Variants in NAV2 observed in about 807,000 individuals in gnomAD.
NAV2 encodes the protein neuron navigator 2, also known as helicase, APC down-regulated 1.
In NAV2, 54 loss-of-function variants were observed where a neutral mutation model predicts 223.2. The observed-to-expected ratio is 0.24, with a 90% CI of 0.19 to 0.30. The LOEUF is 0.30. NAV2 is among the 10% of genes least tolerant of loss of function. The pLI is 1.00. For missense variants in NAV2, 2,806 were observed against 3,147.5 expected (o/e 0.89, Z 2.60); for synonymous variants, 1,279 against 1,239.3 (o/e 1.03, Z -0.67).
intron 4 of NAV2, among the ~76,000 whole-genome samples, chr11:19,878,914 C>A (rs1400023042): frequency 6.6e-6 from 1 of 152,202 alleles, no homozygotes; most frequent in Non-Finnish European, 1.5e-5. Context: ...TTTCTTGCTT[C>A]ACGTCTGCCT....
intron 1 of NAV2, among the ~76,000 whole-genome samples, chr11:19,444,240 C>T (rs775765107): frequency 1.4e-4 from 21 of 152,148 alleles, no homozygotes; most frequent in Non-Finnish European, 2.9e-4. Context: ...TGTGCCTGGC[C>T]CTTATTATTA....
chr11:19,933,381 T>C lies in NAV2; in HGVS notation c.1137T>C (p.Pro379=), dbSNP rs2045565028. Residue 379 remains proline (P), a synonymous_variant, in exon 7 of 38, where the codon CCT becomes CCC. Coordinates refer to ENST00000349880, the MANE Select transcript of NAV2 (RefSeq NM_145117.5). The surrounding 1 kb of genome is among the most constrained non-coding windows in gnomAD (Gnocchi z 4.3). ...ATVSMLSVKP[P]GPEAPRPTPE... is the part of the protein sequence containing the mutation. ...TATCCATGCTCTCGGTCAAGCCTCC[T>C]GGGCCTGAGGCCCCCAGGCCCACAC... is the stretch of plus-strand genomic sequence containing the variant. 1 of 1,587,620 alleles carries C rather than the reference T, an allele frequency of 6.3e-7. No individual in the cohort carries two copies.
At chr11:19,517,404 A>G (rs897611343) in intron 1 of NAV2, among the ~76,000 whole-genome samples, 1 of 152,206 alleles carries the variant, frequency 6.6e-6, no homozygotes, top group Admixed American at 6.5e-5. Context: ...CTTTTAAATG[A>G]GAATAATGAC....
At chr11:19,784,678 T>A (rs936752858) in intron 1 of NAV2, among the ~76,000 whole-genome samples, 15 of 152,120 alleles carry the variant, frequency 9.9e-5, no homozygotes, top group Non-Finnish European at 2.1e-4. Flanking sequence ...GTATAAGAGA[T>A]AGTATGGTGT....
rs374681121 is a variant in NAV2, at chr11:20,060,231, C to CTAG, written c.4832-2074_4832-2072dup. Among the ~76,000 whole-genome samples the CTAG allele has an allele frequency of 5.4e-3, 830 of 152,378 alleles. 7 individuals are homozygous for CTAG. Among genetic ancestry groups the CTAG allele is most frequent in the African/African-American group, 0.013 (554 of 41,590 alleles). On this transcript the variant is annotated intron_variant, in intron 19 of 37. Coordinates refer to ENST00000349880, the MANE Select transcript of NAV2 (RefSeq NM_145117.5). ...CCACAGGCCATATAGCAGCCCTGTG[C>CTAG]TAGTCTCTGGCAGGCCAGTCATGCA...
intron 1 of NAV2, among the ~76,000 whole-genome samples, chr11:19,508,042 G>T (rs1404040242): frequency 6.6e-6 from 1 of 152,238 alleles, no homozygotes; most frequent in Non-Finnish European, 1.5e-5. Context: ...GGCTCTGAAA[G>T]GTTGGTCCTT....
chr11:19,535,744 G>A (rs2044168073), intron 1 of NAV2, among the ~76,000 whole-genome samples: 1 of 152,166 alleles, frequency 6.6e-6, no homozygotes, highest in South Asian at 2.1e-4. Flanking sequence ...AATCAAGCCT[G>A]ATTCAGGGGT....
intron 1 of NAV2, among the ~76,000 whole-genome samples, chr11:19,393,264 C>A (rs916737163): frequency 5.3e-5 from 8 of 152,228 alleles, no homozygotes; most frequent in South Asian, 2.1e-4. Flanking sequence ...CAGTTTCATT[C>A]TTCTCATGCT....
intron 10 of NAV2, among the ~76,000 whole-genome samples, chr11:19,958,805 G>GGATGTAA: frequency 2.0e-5 from 3 of 152,230 alleles, no homozygotes; most frequent in African/African-American, 7.2e-5. Flanking sequence ...AGGACATACA[G>GGATGTAA]GCATTGTCAT....
chr11:19,527,937 G>GACAC (rs67561376), intron 1 of NAV2, among the ~76,000 whole-genome samples: 1,871 of 143,308 alleles, frequency 0.013, 30 homozygotes, highest in Middle Eastern at 0.057. Flanking sequence ...TCCCTGCCCT[G>GACAC]ACACACACAC....
chr11:19,443,262 C>A (rs533902565), intron 1 of NAV2, among the ~76,000 whole-genome samples: 1 of 152,170 alleles, frequency 6.6e-6, no homozygotes, highest in Non-Finnish European at 1.5e-5. Flanking sequence ...TCCTCCACTG[C>A]GACACTTGGA....
chr11:19,402,311 G>A (rs997845743), intron 1 of NAV2, among the ~76,000 whole-genome samples: 2 of 152,170 alleles, frequency 1.3e-5, no homozygotes, highest in Admixed American at 6.5e-5. Context: ...TTCCTCATGT[G>A]TAAAATAAGG....
At chr11:19,736,595 C>T (rs1414718097) in intron 1 of NAV2, among the ~76,000 whole-genome samples, 1 of 152,218 alleles carries the variant, frequency 6.6e-6, no homozygotes, top group Admixed American at 6.5e-5. Context: ...AAAACTGCCA[C>T]AATGCTCCTG....
intron 1 of NAV2, among the ~76,000 whole-genome samples, chr11:19,622,086 T>C (rs2047015669): frequency 6.6e-6 from 1 of 152,244 alleles, no homozygotes; most frequent in Admixed American, 6.5e-5. Context: ...TTCTTAATCA[T>C]GAGTTCTAGT....
chr11:19,400,289 T>G (rs961430747), intron 1 of NAV2, among the ~76,000 whole-genome samples: 2 of 151,974 alleles, frequency 1.3e-5, no homozygotes. Context: ...ATCAATGGAG[T>G]GAGGCTCCAT....
upstream of NAV2, among the ~76,000 whole-genome samples, chr11:19,350,359 C>T (rs1853241497): frequency 6.6e-6 from 1 of 152,108 alleles, no homozygotes; most frequent in African/African-American, 2.4e-5. Context: ...GACTGTTGAA[C>T]GTTTTCTCCT....
In NAV2 at chr11:19,892,436, T is replaced by C. The variant is rs758359735; in HGVS notation, c.773T>C (p.Leu258Pro). The C allele has an allele frequency of 6.2e-7, 1 of 1,613,612 alleles. No homozygotes were observed. The highest frequency in any genetic ancestry group is 8.5e-7 in the Non-Finnish European group (1 of 1,179,870). Residue 258 changes from leucine (L) to proline (P), a missense_variant and splice_region_variant, in exon 6 of 38, where the codon CTT becomes CCT. Physicochemically the swap from Leu to Pro is moderately conservative, Grantham distance 98. Around this residue, in one of 4 missense-constraint regions of NAV2, gnomAD observed 1,167 missense variants for 1,180.5 expected, o/e 0.99. Transcript: ENST00000349880. The stretch of plus-strand genomic sequence containing the variant: ...ATCCTGTTGCTTTTGCATTTTAGAC[T>C]TCCAGGTCCTACCGCGAGGGTATCC... ...SKAQAEMQSR[L>P]PGPTARVSAA...
chr11:19,526,892 G>C (rs2043857944), intron 1 of NAV2, among the ~76,000 whole-genome samples: 1 of 152,152 alleles, frequency 6.6e-6, no homozygotes, highest in Non-Finnish European at 1.5e-5. Context: ...GTAAGGTAGT[G>C]GTAATTCTTC....
intron 30 of NAV2, among the ~76,000 whole-genome samples, chr11:20,096,586 G>A (rs1345288679): frequency 1.3e-5 from 2 of 152,196 alleles, no homozygotes; most frequent in Non-Finnish European, 2.9e-5. Context: ...ATTAGACCCC[G>A]TTGGTCCAGT....
Sources: gnomAD v4.1 joint callset for allele counts (sites outside exome capture counted in the v4.1 genomes callset) on GRCh38, gnomAD v4.1.1 for gene constraint, gnomAD v4.1.1 regional missense constraint, Gnocchi (gnomAD v3.1) non-coding constraint, MANE v1.5 for transcripts, NCBI Gene and HGNC (gene_info 2026-07-23, HGNC 2026-07-21) for gene names.